Variants in PTPRT observed in about 807,000 individuals in gnomAD.
The protein encoded by PTPRT is protein tyrosine phosphatase receptor type T.
In PTPRT, 56 loss-of-function variants were observed where a neutral mutation model predicts 176.8. The observed-to-expected ratio is 0.32, with a 90% CI of 0.26 to 0.40. The LOEUF is 0.40. Among genes scored for constraint, PTPRT ranks in the 10% least tolerant of loss-of-function variants. The pLI, the probability that PTPRT is intolerant of heterozygous loss-of-function variation, is 1.00. For missense variants in PTPRT, 1,540 were observed against 1,908.2 expected (o/e 0.81, Z 3.60); for synonymous variants, 783 against 739.0 (o/e 1.06, Z -0.96).
chr20:42,480,033 C>A (rs1487748016), intron 7 of PTPRT, among the ~76,000 whole-genome samples: 1 of 152,206 alleles, frequency 6.6e-6, no homozygotes, highest in African/African-American at 2.4e-5. Flanking sequence ...GGTTGCTACC[C>A]TCCCATAGCA....
chr20:42,315,727 T>A lies in PTPRT; in HGVS notation c.2135A>T (p.Asn712Ile), dbSNP rs757455181. The A allele has an allele frequency of 6.2e-7, 1 of 1,613,746 alleles. No homozygotes were observed. The highest frequency in any genetic ancestry group is 2.2e-5 in the East Asian group (1 of 44,876). ...CCTCCATGTGGCCATACTTACTCCA[T>A]TGGCTTTGCTGAGTGCCTGGAAGTA... ...SIYFQALSKANGETKINCVRL... is the reference protein window; with the variant it reads ...SIYFQALSKAIGETKINCVRL... Residue 712 changes from asparagine (N) to isoleucine (I), a missense_variant, in exon 12 of 31, where the codon AAT becomes ATT. By Grantham distance (149) the Asn-to-Ile change is moderately radical. Coordinates refer to ENST00000373187, the MANE Select transcript of PTPRT (RefSeq NM_007050.6).
At chr20:42,941,867 C>T (rs183484885) in intron 1 of PTPRT, among the ~76,000 whole-genome samples, 10 of 152,142 alleles carry the variant, frequency 6.6e-5, no homozygotes, top group Admixed American at 1.3e-4. Flanking sequence ...TGAGAGGCAA[C>T]ATGATATTGG....
At chr20:42,775,630 G>C (rs2077124875) in intron 4 of PTPRT, among the ~76,000 whole-genome samples, 1 of 152,076 alleles carries the variant, frequency 6.6e-6, no homozygotes, top group South Asian at 2.1e-4. Flanking sequence ...TAATTTCTTT[G>C]AGTATTATGC....
At chr20:42,554,318 T>C (rs2072823122) in intron 7 of PTPRT, among the ~76,000 whole-genome samples, 1 of 152,158 alleles carries the variant, frequency 6.6e-6, no homozygotes, top group Non-Finnish European at 1.5e-5. Flanking sequence ...CTGTAAAACT[T>C]AAGCTTCGTG....
intron 5 of PTPRT, among the ~76,000 whole-genome samples, chr20:42,770,746 C>A (rs2077050481): frequency 6.6e-6 from 1 of 152,186 alleles, no homozygotes; most frequent in Non-Finnish European, 1.5e-5. Context: ...TACCAAGAAC[C>A]TAAGCTATTC....
chr20:42,958,113 T>C (rs1981748431), intron 1 of PTPRT, among the ~76,000 whole-genome samples: 1 of 129,034 alleles, frequency 7.7e-6, no homozygotes, highest in Admixed American at 8.8e-5. Flanking sequence ...CTTGCAGGGG[T>C]GAGTTTCATC....
At chr20:42,771,870 C>T (rs369001431) in intron 4 of PTPRT, among the ~76,000 whole-genome samples, 64 of 152,270 alleles carry the variant, frequency 4.2e-4, no homozygotes, top group African/African-American at 1.1e-3. Flanking sequence ...GGAACCAGGA[C>T]GTGAATTTAG....
chr20:42,198,208 A>G (rs932182756), intron 16 of PTPRT, among the ~76,000 whole-genome samples: 1 of 152,244 alleles, frequency 6.6e-6, no homozygotes, highest in Non-Finnish European at 1.5e-5. Flanking sequence ...AAACACACTT[A>G]GCATTGCATA....
chr20:42,086,753 A>AAAAATATATATATATATATATAT (rs1983991312), intron 27 of PTPRT, among the ~76,000 whole-genome samples: 2 of 95,532 alleles, frequency 2.1e-5, no homozygotes, highest in African/African-American at 9.8e-5. Flanking sequence ...AAAAAAAAAA[A>AAAAATATATATATATATATATAT]ATATATATAT....
At chr20:42,821,940 C>G (rs771966931) in intron 2 of PTPRT, among the ~76,000 whole-genome samples, 2 of 152,094 alleles carry the variant, frequency 1.3e-5, no homozygotes, top group Non-Finnish European at 2.9e-5. Flanking sequence ...ACATTCCATC[C>G]TCATGGATAG....
chr20:42,990,329 A>T (rs1419103643), intron 1 of PTPRT, among the ~76,000 whole-genome samples: 1 of 152,132 alleles, frequency 6.6e-6, no homozygotes, highest in East Asian at 1.9e-4. Context: ...TACTGCATTG[A>T]GGATTTGTTC....
intron 9 of PTPRT, among the ~76,000 whole-genome samples, chr20:42,366,967 G>A (rs983739670): frequency 6.6e-6 from 1 of 152,180 alleles, no homozygotes; most frequent in Non-Finnish European, 1.5e-5. Flanking sequence ...CCCTTAAAAT[G>A]TACTTCTTGG....
intron 1 of PTPRT, among the ~76,000 whole-genome samples, chr20:42,889,008 G>A (rs1364115707): frequency 1.3e-5 from 2 of 152,074 alleles, no homozygotes; most frequent in Non-Finnish European, 2.9e-5. Context: ...ATACCTCTAG[G>A]CATCCCAGGT....
chr20:42,687,306 T>G (rs2075714315), intron 6 of PTPRT: 1 of 152,118 alleles, frequency 6.6e-6, no homozygotes, highest in African/African-American at 2.4e-5. Context: ...GCAAATAAAT[T>G]TAAGAGCTCA....
intron 9 of PTPRT, among the ~76,000 whole-genome samples, chr20:42,442,732 A>G (rs2059327751): frequency 6.6e-6 from 1 of 152,216 alleles, no homozygotes; most frequent in African/African-American, 2.4e-5. Context: ...TTGGACGAAG[A>G]CGAGAACAAT....
At chr20:42,829,908 A>G (rs911863842) in intron 2 of PTPRT, among the ~76,000 whole-genome samples, 1 of 152,222 alleles carries the variant, frequency 6.6e-6, no homozygotes, top group Non-Finnish European at 1.5e-5. Flanking sequence ...GAAGAAGTTT[A>G]TTCCCGAACA....
At chr20:42,335,806 GAAT>G (rs2058031793) in intron 11 of PTPRT, among the ~76,000 whole-genome samples, 1 of 152,070 alleles carries the variant, frequency 6.6e-6, no homozygotes, top group African/African-American at 2.4e-5. Context: ...GAAGAAATGA[GAAT>G]AATTGTACAT....
intron 16 of PTPRT, among the ~76,000 whole-genome samples, chr20:42,179,029 G>C (rs1233154512): frequency 6.6e-6 from 1 of 152,154 alleles, no homozygotes; most frequent in Non-Finnish European, 1.5e-5. Flanking sequence ...ACTAGATCTT[G>C]GCTGCAATGA....
Position 42,527,388 on chromosome 20 carries a change from G to A in PTPRT, c.1154-54826C>T, listed in dbSNP as rs556708872. On this transcript the variant is annotated intron_variant, in intron 7 of 30. Transcript: ENST00000373187. ...GACATCGAAGGGATTATTGGCTTAT[G>A]GTACACTGTCAGTCTTGCAGATATG... 1.2e-3 allele frequency among the ~76,000 whole-genome samples: 178 copies of A among 152,190 alleles called. 2 individuals carry two copies. Among genetic ancestry groups the A allele is most frequent in the African/African-American group, 3.9e-3 (160 of 41,508 alleles).
Sources: gnomAD v4.1 joint callset for allele counts (sites outside exome capture counted in the v4.1 genomes callset) on GRCh38, gnomAD v4.1.1 for gene constraint, MANE v1.5 for transcripts, NCBI Gene and HGNC (gene_info 2026-07-23, HGNC 2026-07-21) for gene names.